Variants in SIN3A observed in about 807,000 individuals in gnomAD.
The protein encoded by SIN3A is paired amphipathic helix protein Sin3a.
Under a neutral mutation model 146.1 loss-of-function variants are expected in SIN3A, and 14 were observed. That is an observed-to-expected ratio of 0.10 (90% confidence interval 0.06 to 0.15). SIN3A has a LOEUF of 0.15. SIN3A is among the 10% of genes least tolerant of loss of function. The pLI, the probability that SIN3A is intolerant of heterozygous loss-of-function variation, is 1.00. For missense variants in SIN3A, 1,028 were observed against 1,576.0 expected, an observed-to-expected ratio of 0.65 and a Z score of 5.89; for synonymous variants, 572 against 572.0, an observed-to-expected ratio of 1.00 and a Z score of 0.00.
rs903136699 is a variant in SIN3A at position 75,371,742 on chromosome 15, C to G, written c.*237G>C. ...GGACTTCCTTCCCCTCCAGGGCAGG[C>G]TATACCCAAAACCCTTTGGGAAAAG... On this transcript the variant is annotated 3_prime_UTR_variant, in exon 21 of 21. Transcript: ENST00000394947. 2 of 527,780 alleles carry G rather than the reference C, an allele frequency of 3.8e-6. No individual in the cohort carries two copies. Among genetic ancestry groups the G allele is most frequent in the Non-Finnish European group, 6.7e-6 (2 of 297,530 alleles). The allele number at this position is 527,780 out of a possible 1,614,324, so 32.7% of individuals were successfully genotyped here.
At chr15:75,417,907 G>A (rs1033509825) in intron 3 of SIN3A, among the ~76,000 whole-genome samples, 8 of 152,078 alleles carry the variant, frequency 5.3e-5, no homozygotes, top group Admixed American at 3.3e-4. Flanking sequence ...TAGTCCCTTC[G>A]GCCCTTCTCC....
At chr15:75,441,115 C>G (rs573239460) in intron 1 of SIN3A, among the ~76,000 whole-genome samples, 39 of 152,088 alleles carry the variant, frequency 2.6e-4, no homozygotes, top group African/African-American at 6.5e-4. Flanking sequence ...CAAGACCAGC[C>G]TAGCCAACAT....
At chr15:75,411,894 C>T in intron 5 of SIN3A, 151 bp from the exon 6 acceptor site, 2 of 702,288 alleles carry the variant, frequency 2.8e-6, no homozygotes, top group South Asian at 6.0e-5. Context: ...TCATACTGGG[C>T]AGCAGTGGGA....
intron 1 of SIN3A, among the ~76,000 whole-genome samples, chr15:75,440,559 C>T (rs998852719): frequency 1.3e-5 from 2 of 151,860 alleles, no homozygotes; most frequent in East Asian, 3.9e-4. Context: ...ATTTTTATTC[C>T]GTACTTTCCT....
chr15:75,441,451 T>G (rs896589560), intron 1 of SIN3A, among the ~76,000 whole-genome samples: 17 of 151,752 alleles, frequency 1.1e-4, no homozygotes, highest in Admixed American at 5.9e-4. Flanking sequence ...GACTACAGAG[T>G]GGCTAATAAG....
At chr15:75,420,657 G>A (rs1192522895) in intron 3 of SIN3A, 1 of 152,162 alleles carries the variant, frequency 6.6e-6, no homozygotes, top group East Asian at 1.9e-4. Flanking sequence ...AAAGTGCTGG[G>A]ATTACAGGTG....
At chr15:75,395,966 G>A (rs1185392833) in intron 13 of SIN3A, among the ~76,000 whole-genome samples, 1 of 152,144 alleles carries the variant, frequency 6.6e-6, no homozygotes, top group Admixed American at 6.6e-5. Flanking sequence ...AGTCCTGAGT[G>A]TGGCAGGAAC....
At chr15:75,382,165 TAC>T (rs1019301641) in intron 17 of SIN3A, among the ~76,000 whole-genome samples, 1 of 152,222 alleles carries the variant, frequency 6.6e-6, no homozygotes, top group Non-Finnish European at 1.5e-5. Context: ...TTCTTCATTT[TAC>T]ACAGAGACAA....
At chr15:75,424,214 C>T (rs1383645253) in intron 2 of SIN3A, among the ~76,000 whole-genome samples, 1 of 152,130 alleles carries the variant, frequency 6.6e-6, no homozygotes, top group Non-Finnish European at 1.5e-5. Flanking sequence ...GGGCGGATCA[C>T]CTGAGGTTGG....
intron 1 of SIN3A, among the ~76,000 whole-genome samples, chr15:75,445,078 A>G (rs1567430279): frequency 6.6e-6 from 1 of 150,972 alleles, no homozygotes; most frequent in East Asian, 2.0e-4. Context: ...TAAGAAATAT[A>G]ATCTTTCAAA....
chr15:75,422,897 C>T (rs1181142157), intron 2 of SIN3A, 74 bp from the exon 3 acceptor site: 1 of 1,432,070 alleles, frequency 7.0e-7, no homozygotes, highest in Non-Finnish European at 9.6e-7. Flanking sequence ...AAATAACTAA[C>T]ACAAATGCAC....
chr15:75,422,579 A>G, intron 3 of SIN3A, 68 bp downstream of exon 3: 2 of 1,544,744 alleles, frequency 1.3e-6, no homozygotes, highest in South Asian at 1.1e-5. Context: ...ACCACAACCA[A>G]CAAGCTGCAA....
chr15:75,393,997 G>A (rs1250619315), intron 14 of SIN3A, among the ~76,000 whole-genome samples: 2 of 151,996 alleles, frequency 1.3e-5, no homozygotes, highest in East Asian at 1.9e-4. Context: ...TAGTAAAGAC[G>A]GGGTTTCGTC....
intron 17 of SIN3A, among the ~76,000 whole-genome samples, chr15:75,382,358 A>C (rs2072988233): frequency 6.6e-6 from 1 of 152,220 alleles, no homozygotes; most frequent in African/African-American, 2.4e-5. Context: ...TATTTCCAAA[A>C]TAGATTTCGG....
intron 1 of SIN3A, among the ~76,000 whole-genome samples, chr15:75,449,868 C>A (rs1218125193): frequency 2.0e-5 from 3 of 152,206 alleles, no homozygotes; most frequent in Non-Finnish European, 4.4e-5. Flanking sequence ...GCACCCTCGC[C>A]TCCCGGGTTC....
At chr15:75,455,160 C>A (rs757150516), upstream of SIN3A, 1 of 151,798 alleles carries the variant, frequency 6.6e-6, no homozygotes, top group Non-Finnish European at 1.5e-5. Flanking sequence ...TCCAAGTTTG[C>A]GGGCAAAAAC....
rs201414754 is a variant in SIN3A, at chr15:75,396,463, T to C, written c.1888A>G (p.Ile630Val). Residue 630 changes from isoleucine (I) to valine (V), a missense_variant, in exon 13 of 21, where the codon ATC becomes GTC. By Grantham distance (29) the Ile-to-Val change is conservative. Transcript: ENST00000394947. ...TTCTGTATTGCTTCCAGAACCCGGATTGTTGCCAGATTGGTCTCTAAAACT... is the reference window on the plus strand; with the variant it reads ...TTCTGTATTGCTTCCAGAACCCGGACTGTTGCCAGATTGGTCTCTAAAACT... ...DVVLETNLATIRVLEAIQKKL... is the reference protein window; with the variant it reads ...DVVLETNLATVRVLEAIQKKL... The C allele has an allele frequency of 1.8e-5, 29 of 1,614,034 alleles. No homozygotes were observed. Among genetic ancestry groups the C allele is most frequent in the East Asian group, 6.7e-5 (3 of 44,872 alleles).
At position 75,451,564 on chromosome 15, in the gene SIN3A, C is replaced by A. The variant is rs955592238; in HGVS notation, c.-175G>T. On this transcript the variant is annotated 5_prime_UTR_variant, in exon 1 of 21. Coordinates refer to ENST00000394947, the MANE Select transcript of SIN3A (RefSeq NM_001145358.2). Reference sequence around the variant, plus strand: ...TACCTCTCCACTAACGAAGCGGTCACAGGCTCCGGTGCCCAGACTGGGAAG... The same window carrying A: ...TACCTCTCCACTAACGAAGCGGTCAAAGGCTCCGGTGCCCAGACTGGGAAG... 1.5e-5 allele frequency: 2 copies of A among 135,354 alleles called. No homozygotes were observed. Among genetic ancestry groups the A allele is most frequent in the African/African-American group, 2.8e-5 (1 of 36,236 alleles). The allele number at this position is 135,354 out of a possible 1,614,324, so 8.4% of individuals were successfully genotyped here.
Position 75,411,553 on chromosome 15 carries a change from T to C in SIN3A, c.947A>G (p.Asn316Ser), listed in dbSNP as rs1381240264. The C allele has an allele frequency of 6.2e-7, 1 of 1,614,048 alleles. No individual in the cohort carries two copies. Among genetic ancestry groups the C allele is most frequent in the Non-Finnish European group, 8.5e-7 (1 of 1,180,022 alleles). ...HAINYVNKIK[N>S]RFQGQPDIYK... Reference sequence around the variant, plus strand: ...GATGTCTGGTTGGCCCTGAAATCTGTTCTTGATCTTATTAACATAGTTGAT... The same window carrying C: ...GATGTCTGGTTGGCCCTGAAATCTGCTCTTGATCTTATTAACATAGTTGAT... Residue 316 changes from asparagine (N) to serine (S), a missense_variant, in exon 6 of 21, where the codon AAC becomes AGC. Asn to Ser is a conservative substitution (Grantham distance 46, BLOSUM62 1). Transcript: ENST00000394947.
Sources: gnomAD v4.1 joint callset for allele counts (sites outside exome capture counted in the v4.1 genomes callset) on GRCh38, gnomAD v4.1.1 for gene constraint, MANE v1.5 for transcripts, NCBI Gene and HGNC (gene_info 2026-07-23, HGNC 2026-07-21) for gene names.